CNTN5: variants seen among roughly 807,000 people sequenced by gnomAD.
CNTN5 encodes contactin-5.
In CNTN5, 77 loss-of-function variants were observed where a neutral mutation model predicts 129.1. That is an observed-to-expected ratio of 0.60 (90% CI 0.50 to 0.72). The LOEUF (loss-of-function observed/expected upper bound fraction) is 0.72. Ranked by LOEUF, CNTN5 falls within the 30% of genes least tolerant of loss-of-function variation. The probability of loss-of-function intolerance (pLI) is 0.00; values close to 1 mark genes in which losing one functional copy is unlikely to be tolerated. For missense variants in CNTN5, 1,478 were observed against 1,328.8 expected, an observed-to-expected ratio of 1.11 and a Z score of -1.75; for synonymous variants, 509 against 465.6, an observed-to-expected ratio of 1.09 and a Z score of -1.20.
intron 6 of CNTN5, among the ~76,000 whole-genome samples, chr11:99,897,882 G>T (rs1949249617): frequency 6.6e-6 from 1 of 152,130 alleles, no homozygotes; most frequent in South Asian, 2.1e-4. Flanking sequence ...CTAATGATCT[G>T]CTGTCTTCAG....
chr11:100,350,508 A>C (rs1952383297), intron 23 of CNTN5, among the ~76,000 whole-genome samples, 194 bp from the exon 24 acceptor site: 1 of 151,788 alleles, frequency 6.6e-6, no homozygotes, highest in Admixed American at 6.6e-5. Context: ...AGACAAAATT[A>C]AACTCTCTCC....
chr11:99,646,729 T>C (rs148632179), intron 3 of CNTN5, among the ~76,000 whole-genome samples: 1 of 149,258 alleles, frequency 6.7e-6, no homozygotes, highest in African/African-American at 2.5e-5. Context: ...AAATTGACAA[T>C]ATGTGTAAAT....
At chr11:100,082,258 A>C (rs1944395285) in intron 13 of CNTN5, among the ~76,000 whole-genome samples, 1 of 152,166 alleles carries the variant, frequency 6.6e-6, no homozygotes, top group East Asian at 1.9e-4. Context: ...AGATTTACAA[A>C]AAACAGATAT....
intron 3 of CNTN5, among the ~76,000 whole-genome samples, chr11:99,589,900 A>G (rs545226179): frequency 6.6e-6 from 1 of 152,322 alleles, no homozygotes; most frequent in South Asian, 2.1e-4. Context: ...CAGAAAAATT[A>G]AGGTGAGTAA....
chr11:99,955,777 G>T (rs1403448194), intron 7 of CNTN5, among the ~76,000 whole-genome samples: 1 of 151,914 alleles, frequency 6.6e-6, no homozygotes, highest in Non-Finnish European at 1.5e-5. Flanking sequence ...TGTTAGCCAG[G>T]ATAGTCTCGA....
At chr11:99,530,452 A>G (rs551784225) in intron 2 of CNTN5, among the ~76,000 whole-genome samples, 72 of 146,350 alleles carry the variant, frequency 4.9e-4, no homozygotes, top group African/African-American at 1.6e-3. Flanking sequence ...CTGCTATGTG[A>G]TACACTTTTA....
In CNTN5 at chr11:100,300,584, G is replaced by A. The variant is rs569037486; in HGVS notation, c.2620+1188G>A. On this transcript the variant is annotated intron_variant, in intron 20 of 24. Coordinates refer to ENST00000524871, the MANE Select transcript of CNTN5 (RefSeq NM_014361.4). Reference sequence around the variant, plus strand: ...CCATGAAGCTATGAGCTTCACGGGGGATATAAATATAGTCATGTGAATATT... The same window carrying A: ...CCATGAAGCTATGAGCTTCACGGGGAATATAAATATAGTCATGTGAATATT... 6.5e-3 allele frequency among the ~76,000 whole-genome samples: 991 copies of A among 151,580 alleles called. 2 individuals are homozygous for A. Among genetic ancestry groups the A allele is most frequent in the Non-Finnish European group, 0.01 (695 of 67,630 alleles).
intron 2 of CNTN5, among the ~76,000 whole-genome samples, chr11:99,529,254 T>C (rs568573614): frequency 2.6e-5 from 4 of 152,264 alleles, no homozygotes; most frequent in Admixed American, 2.0e-4. Flanking sequence ...TAGTCTCCTC[T>C]GGAAACACCC....
chr11:100,309,296 A>T, intron 21 of CNTN5: 2 of 984,090 alleles, frequency 2.0e-6, no homozygotes, highest in Non-Finnish European at 2.4e-6. Context: ...CAAGTATAGG[A>T]CTTGTATACT....
chr11:99,748,000 G>A (rs983742675), intron 3 of CNTN5, among the ~76,000 whole-genome samples: 8 of 151,970 alleles, frequency 5.3e-5, no homozygotes, highest in African/African-American at 1.9e-4. Flanking sequence ...TTATTAATGT[G>A]GTGTATCACA....
intron 20 of CNTN5, among the ~76,000 whole-genome samples, chr11:100,302,500 G>A (rs1482831655): frequency 6.6e-6 from 1 of 151,600 alleles, no homozygotes. Flanking sequence ...AACAAGAGGA[G>A]TGAGACTGCC....
intron 3 of CNTN5, among the ~76,000 whole-genome samples, chr11:99,813,218 G>C (rs929457888): frequency 3.3e-5 from 5 of 152,082 alleles, no homozygotes; most frequent in Non-Finnish European, 7.4e-5. Context: ...GAATGCGAGG[G>C]ATTATGTGTA....
At chr11:99,904,771 A>G (rs566858707) in intron 6 of CNTN5, among the ~76,000 whole-genome samples, 21 of 152,228 alleles carry the variant, frequency 1.4e-4, no homozygotes, top group African/African-American at 4.3e-4. Flanking sequence ...GTGTAAAAGC[A>G]TTCCAATTTC....
intron 2 of CNTN5, among the ~76,000 whole-genome samples, chr11:99,404,030 G>A (rs1489554940): frequency 6.6e-6 from 1 of 151,934 alleles, no homozygotes. Context: ...ATATACCTGG[G>A]TGCTCTAGTA....
intron 3 of CNTN5, among the ~76,000 whole-genome samples, chr11:99,699,403 A>G (rs549187252): frequency 1.2e-4 from 18 of 151,680 alleles, no homozygotes; most frequent in South Asian, 4.1e-4. Flanking sequence ...CAGTAAAATA[A>G]CTTTCTTTAT....
intron 4 of CNTN5, 76 bp from the exon 5 acceptor site, chr11:99,844,776 A>C: frequency 7.1e-7 from 1 of 1,406,778 alleles, no homozygotes; most frequent in Non-Finnish European, 9.7e-7. Flanking sequence ...GAATATAAGT[A>C]AGATGGAAAA....
At chr11:99,361,160 C>T (rs938943385) in intron 2 of CNTN5, among the ~76,000 whole-genome samples, 50 of 152,286 alleles carry the variant, frequency 3.3e-4, no homozygotes, top group African/African-American at 8.2e-4. Context: ...TTTCTATCAA[C>T]GTCCTATTCA....
At chr11:99,106,880 T>G (rs1867022763) in intron 1 of CNTN5, among the ~76,000 whole-genome samples, 1 of 152,126 alleles carries the variant, frequency 6.6e-6, no homozygotes, top group African/African-American at 2.4e-5. Flanking sequence ...TGTATAAAAT[T>G]GTTTAATAAG....
intron 1 of CNTN5, among the ~76,000 whole-genome samples, chr11:99,263,588 G>A (rs565344996): frequency 1.3e-5 from 2 of 152,042 alleles, no homozygotes; most frequent in Non-Finnish European, 2.9e-5. Context: ...TTGCTTTGGG[G>A]GAAAAAGGGA....
Sources: allele counts gnomAD v4.1 joint callset (sites outside exome capture counted in the v4.1 genomes callset), GRCh38; gene constraint gnomAD v4.1.1; transcripts MANE v1.5; gene names NCBI Gene and HGNC (gene_info 2026-07-23, HGNC 2026-07-21).